The following NTM variants were observed in gnomAD, a reference collection of about 807,000 sequenced individuals.
NTM encodes neurotrimin, also known as IgLON family member 2.
A neutral mutation model predicts 42.1 loss-of-function variants in NTM; 13 were observed. The observed-to-expected ratio is 0.31, with a 90% confidence interval of 0.20 to 0.49. The LOEUF is 0.49. NTM is among the 20% of genes least tolerant of loss of function. The pLI, the probability that NTM is intolerant of heterozygous loss-of-function variation, is 0.99. For missense variants in NTM, 373 were observed against 452.8 expected (o/e 0.82, Z 1.60); for synonymous variants, 187 against 179.2 (o/e 1.04, Z -0.35).
At chr11:132,290,353 A>G (rs2094415436) in intron 4 of NTM, among the ~76,000 whole-genome samples, 1 of 152,102 alleles carries the variant, frequency 6.6e-6, no homozygotes, top group Non-Finnish European at 1.5e-5. Context: ...AATCACTGAT[A>G]TGGGGAAATT....
chr11:131,512,135 C>T (rs2048326821), intron 1 of NTM, among the ~76,000 whole-genome samples: 1 of 152,176 alleles, frequency 6.6e-6, no homozygotes, highest in African/African-American at 2.4e-5. Context: ...ATCACCAAAG[C>T]TCTCCTGCAT....
rs77482131 is a variant in NTM, at chr11:131,924,386, G to T, written c.167+12738G>T. On this transcript the variant is annotated intron_variant, in intron 2 of 8. Transcript: ENST00000683400. ...TGAAGTGAGAATACTGCTCTGTTTCGTTCTTGAGTTTTGAGGAAGAGATTA... is the reference window on the plus strand; with the variant it reads ...TGAAGTGAGAATACTGCTCTGTTTCTTTCTTGAGTTTTGAGGAAGAGATTA... 4.2e-3 allele frequency among the ~76,000 whole-genome samples: 634 copies of T among 152,216 alleles called. 5 individuals are homozygous for T. The highest frequency in any genetic ancestry group is 0.014 in the African/African-American group (595 of 41,524).
At chr11:132,220,214 A>G (rs1422400320) in intron 4 of NTM, among the ~76,000 whole-genome samples, 1 of 152,182 alleles carries the variant, frequency 6.6e-6, no homozygotes, top group Non-Finnish European at 1.5e-5. Context: ...ACAAAGATAA[A>G]CCAGTGGTAC....
At chr11:131,471,855 G>T (rs1952472742) in intron 1 of NTM, among the ~76,000 whole-genome samples, 1 of 152,176 alleles carries the variant, frequency 6.6e-6, no homozygotes, top group African/African-American at 2.4e-5. Context: ...TTTCCACCCT[G>T]AGTGTTCTGT....
chr11:131,674,950 C>A (rs567625675), intron 1 of NTM, among the ~76,000 whole-genome samples: 2 of 152,212 alleles, frequency 1.3e-5, no homozygotes, highest in Non-Finnish European at 2.9e-5. Flanking sequence ...GAAAAGAAAG[C>A]TCCCAGTGTG....
intron 1 of NTM, among the ~76,000 whole-genome samples, chr11:131,842,582 T>A (rs1045836491): frequency 6.6e-6 from 1 of 152,086 alleles, no homozygotes; most frequent in African/African-American, 2.4e-5. Context: ...GTTCAACGCA[T>A]CCAGGACAAA....
At chr11:131,603,022 A>T (rs1194593788) in intron 1 of NTM, among the ~76,000 whole-genome samples, 2 of 152,184 alleles carry the variant, frequency 1.3e-5, no homozygotes, top group African/African-American at 2.4e-5. Flanking sequence ...CAGTCTTTCA[A>T]CTTCTACTCT....
chr11:131,700,637 C>T (rs980372147), intron 1 of NTM, among the ~76,000 whole-genome samples: 8 of 152,208 alleles, frequency 5.3e-5, no homozygotes, highest in African/African-American at 1.9e-4. Flanking sequence ...CAGGAAGGTG[C>T]TAGTATTGTA....
chr11:132,279,976 G>A (rs990309535), intron 4 of NTM, among the ~76,000 whole-genome samples: 1 of 152,010 alleles, frequency 6.6e-6, no homozygotes, highest in African/African-American at 2.4e-5. Flanking sequence ...ACTATATGCC[G>A]GTTACTGTTG....
intron 1 of NTM, among the ~76,000 whole-genome samples, chr11:131,525,117 C>T (rs903985270): frequency 5.3e-5 from 8 of 152,150 alleles, no homozygotes; most frequent in Admixed American, 5.2e-4. Context: ...TACGCTTAAT[C>T]TTGAATGTGG....
intron 3 of NTM, among the ~76,000 whole-genome samples, chr11:132,188,964 T>G (rs554528490): frequency 2.0e-4 from 30 of 152,200 alleles, no homozygotes. Flanking sequence ...ATAGGATATG[T>G]GGGATGTGAG....
chr11:131,737,747 G>C (rs60636236), intron 1 of NTM, among the ~76,000 whole-genome samples: 1 of 151,878 alleles, frequency 6.6e-6, no homozygotes, highest in Admixed American at 6.6e-5. Context: ...CTTGATTTCT[G>C]CCCTGGAGTG....
chr11:132,325,282 G>T (rs1188388016), intron 7 of NTM, among the ~76,000 whole-genome samples: 1 of 150,172 alleles, frequency 6.7e-6, no homozygotes, highest in Non-Finnish European at 1.5e-5. Context: ...CTGACAAAGG[G>T]CTAATATCCA....
chr11:132,318,043 T>A (rs1464157236), intron 7 of NTM, among the ~76,000 whole-genome samples: 1 of 152,210 alleles, frequency 6.6e-6, no homozygotes, highest in African/African-American at 2.4e-5. Context: ...AAGGGTCTTA[T>A]TGATGACCCC....
intron 3 of NTM, among the ~76,000 whole-genome samples, chr11:132,148,652 C>T (rs560748410): frequency 3.3e-5 from 5 of 152,290 alleles, no homozygotes; most frequent in Admixed American, 3.3e-4. Flanking sequence ...CAGCCACCCC[C>T]ACTCACACAC....
chr11:132,080,134 C>T (rs1389571317), intron 2 of NTM, among the ~76,000 whole-genome samples: 2 of 152,104 alleles, frequency 1.3e-5, no homozygotes, highest in African/African-American at 4.8e-5. Flanking sequence ...ACTTTCAGAG[C>T]CTCATCCTGA....
chr11:132,020,320 T>C (rs1565961112), intron 2 of NTM, among the ~76,000 whole-genome samples: 1 of 152,174 alleles, frequency 6.6e-6, no homozygotes, highest in East Asian at 1.9e-4. Context: ...ATTTATATTA[T>C]TCATATTTAC....
intron 1 of NTM, among the ~76,000 whole-genome samples, chr11:131,417,125 A>T (rs1394873038): frequency 6.6e-6 from 1 of 152,228 alleles, no homozygotes; most frequent in Non-Finnish European, 1.5e-5. Flanking sequence ...CATTAATCTG[A>T]ATCACAGCTT....
At chr11:131,471,585 A>C (rs1342927410) in intron 1 of NTM, among the ~76,000 whole-genome samples, 2 of 152,204 alleles carry the variant, frequency 1.3e-5, no homozygotes, top group Admixed American at 1.3e-4. Context: ...TTATATTAAA[A>C]CTTAGGGAAT....
Sources: allele counts gnomAD v4.1 joint callset (sites outside exome capture counted in the v4.1 genomes callset), GRCh38; gene constraint gnomAD v4.1.1; transcripts MANE v1.5; gene names NCBI Gene and HGNC (gene_info 2026-07-23, HGNC 2026-07-21).